Variants in PRPF31 observed in about 807,000 individuals in gnomAD.
The protein encoded by PRPF31 is pre-mRNA processing factor 31.
In PRPF31, 12 loss-of-function variants were observed where a neutral mutation model predicts 60.4. That is an observed-to-expected ratio of 0.20 (90% CI 0.13 to 0.32). The LOEUF (loss-of-function observed/expected upper bound fraction) is 0.32, where lower values mean the gene tolerates loss of function less well. Ranked by LOEUF, PRPF31 falls within the 10% of genes least tolerant of loss-of-function variation. The pLI is 1.00. For synonymous variants in PRPF31, 287 were observed against 287.9 expected (o/e 1.00, Z 0.03); for missense variants, 431 against 687.1 (o/e 0.63, Z 4.17).
At chr19:54,128,929 C>A (rs2073988609) in intron 11 of PRPF31, 128 bp from the exon 12 acceptor site, 2 of 972,860 alleles carry the variant, frequency 2.1e-6, no homozygotes, top group African/African-American at 1.6e-5. Flanking sequence ...CGAGTGGGTA[C>A]CGGAGCAGGT....
In PRPF31 at chr19:54,123,929, G is replaced by A. The variant is rs199789322; in HGVS notation, c.697+11G>A. ...CCGCCAAGATCATGGGTGAGTCCCC[G>A]GGCTGGGTCCCATGGAGCGGGGGTC... On this transcript the variant is annotated intron_variant, in intron 7 of 13. Transcript: ENST00000321030. The A allele has an allele frequency of 3.8e-5, 61 of 1,613,154 alleles. No individual in the cohort carries two copies. The East Asian group carries it at 6.9e-4, about 18-fold the overall frequency.
In PRPF31 at chr19:54,122,590, T is replaced by G. The variant is rs1231371893; in HGVS notation, c.416T>G (p.Val139Gly). The stretch of plus-strand genomic sequence containing the variant: ...AATGCACTGGATTACATCCGCACGG[T>G]CAAGGTGAGCGCAGAGAAGGTGGGG... ...VPNALDYIRT[V>G]KELGNSLDKC... is the part of the protein sequence containing the mutation. Residue 139 changes from valine (V) to glycine (G), a missense_variant, in exon 5 of 14, where the codon GTC becomes GGC. Val to Gly is a moderately radical substitution (Grantham distance 109, BLOSUM62 -3). Around this residue, in one of 4 missense-constraint regions of PRPF31, gnomAD observed 113 missense variants for 173.8 expected, o/e 0.65. Coordinates refer to ENST00000321030, the MANE Select transcript of PRPF31 (RefSeq NM_015629.4). 6.2e-7 allele frequency: 1 copy of G among 1,613,524 alleles called. No individual in the cohort carries two copies. The highest frequency in any genetic ancestry group is 8.5e-7 in the Non-Finnish European group (1 of 1,179,624).
At chr19:54,126,694 C>T in intron 9 of PRPF31, 77 bp downstream of exon 9, 1 of 1,390,076 alleles carries the variant, frequency 7.2e-7, no homozygotes, top group Middle Eastern at 1.8e-4. Flanking sequence ...AGACCCTCAG[C>T]AGGGAGCCCA....
At chr19:54,125,821 T>C (rs1432349197) in intron 8 of PRPF31, among the ~76,000 whole-genome samples, 2 of 152,122 alleles carry the variant, frequency 1.3e-5, no homozygotes, top group Admixed American at 6.5e-5. Flanking sequence ...CCAGGACGGG[T>C]GGGCCTGGGG....
rs1259701342 is a variant in PRPF31, at chr19:54,123,746, C to T, written c.528-3C>T. The T allele has an allele frequency of 1.2e-5, 20 of 1,608,152 alleles. No homozygotes were observed. The highest frequency in any genetic ancestry group is 1.6e-5 in the Non-Finnish European group (19 of 1,178,574). On this transcript the variant is annotated splice_polypyrimidine_tract_variant and splice_region_variant and intron_variant, in intron 6 of 13. Transcript: ENST00000321030. ...AGGAGGCTGGGCCCACCCGCCCCTG[C>T]AGGCAGCAGCTGTCGGAGGAGGAGC...
In PRPF31 at chr19:54,118,654, C is replaced by G. The variant is rs758896340; in HGVS notation, c.238+21C>G. On this transcript the variant is annotated intron_variant, in intron 3 of 13. Transcript: ENST00000321030. ...AGAAGGTGCTTCCTCCCACTCTGTG[C>G]CCCTCCCCATCTCCTGTCTCTCCTG... 7 of 1,612,560 alleles carry G rather than the reference C, an allele frequency of 4.3e-6. No individual in the cohort carries two copies. In the South Asian group the frequency reaches 7.7e-5, roughly 18 times the overall value.
rs1389305246 is a variant in PRPF31, at chr19:54,118,615, C to G, written c.220C>G (p.Gln74Glu). The G allele has an allele frequency of 1.2e-6, 2 of 1,613,988 alleles. No homozygotes were observed. The highest frequency in any genetic ancestry group is 2.7e-5 in the African/African-American group (2 of 74,908). ...GAAGATTGAGGAGTATATCAGCAAG[C>G]AAGCCAAAGCTTCAGAAGGTGCTTC... The part of the protein sequence containing the change: ...MMKIEEYISK[Q>E]AKASEVMGPV... The change falls in exon 3 of 14, where the codon CAA becomes GAA. Residue 74 changes from glutamine (Q) to glutamate (E), a missense_variant. Physicochemically the swap from Gln to Glu is conservative, Grantham distance 29. Coordinates refer to ENST00000321030, the MANE Select transcript of PRPF31 (RefSeq NM_015629.4).
chr19:54,122,332 C>T, intron 4 of PRPF31, 165 bp from the exon 5 acceptor site: 1 of 760,058 alleles, frequency 1.3e-6, no homozygotes. Context: ...CCTGGTCACA[C>T]CTAGCGGTAA....
chr19:54,127,174 A>G (rs1450933240), intron 9 of PRPF31, among the ~76,000 whole-genome samples: 4 of 152,228 alleles, frequency 2.6e-5, no homozygotes, highest in African/African-American at 4.8e-5. Flanking sequence ...GTAGGTCAGA[A>G]GTCCAAAATG....
chr19:54,130,916 T>G (rs1202318043), intron 13 of PRPF31, among the ~76,000 whole-genome samples: 1 of 152,074 alleles, frequency 6.6e-6, no homozygotes, highest in African/African-American at 2.4e-5. Flanking sequence ...ATTTAGGAAG[T>G]GCCAGCCAGG....
rs148941732 is a variant in PRPF31, at chr19:54,123,761, G to A, written c.540G>A (p.Ser180=). 6.3e-5 allele frequency: 101 copies of A among 1,610,716 alleles called. No homozygotes were observed. The African/African-American group carries it at 9.5e-4, about 15-fold the overall frequency. Residue 180 remains serine, a synonymous_variant, in exon 7 of 14, where the codon TCG becomes TCA. Coordinates refer to ENST00000321030, the MANE Select transcript of PRPF31 (RefSeq NM_015629.4). The stretch of plus-strand genomic sequence containing the variant: ...CCCGCCCCTGCAGGCAGCAGCTGTC[G>A]GAGGAGGAGCTGGAGCGGCTGGAGG... ...TASTTQGQQL[S]EEELERLEEA...
chr19:54,128,536 G>A (rs2668840), intron 11 of PRPF31, among the ~76,000 whole-genome samples, 159 bp downstream of exon 11: 72,533 of 141,794 alleles, frequency 0.51, 18,195 homozygotes, highest in Admixed American at 0.59. Context: ...GTTTCCATCC[G>A]TTCAGCCCCA....
intron 7 of PRPF31, 109 bp downstream of exon 7, chr19:54,124,027 A>T (rs1329899884): frequency 6.5e-7 from 1 of 1,547,930 alleles, no homozygotes. Context: ...GGACCTCAGC[A>T]CCCCGTCTCC....
chr19:54,129,899 C>G (rs1179695253), intron 13 of PRPF31, among the ~76,000 whole-genome samples: 1 of 151,976 alleles, frequency 6.6e-6, no homozygotes, highest in Admixed American at 6.6e-5. Context: ...GCTCATCTGC[C>G]CAGTCAGCGG....
At chr19:54,121,218 G>C (rs1260853776) in intron 3 of PRPF31, among the ~76,000 whole-genome samples, 13 of 151,780 alleles carry the variant, frequency 8.6e-5, no homozygotes, top group African/African-American at 3.1e-4. Flanking sequence ...CAGGAGAATC[G>C]CTTGAACCCA....
At chr19:54,119,542 G>A (rs1438346993) in intron 3 of PRPF31, 1 of 150,934 alleles carries the variant, frequency 6.6e-6, no homozygotes, top group African/African-American at 2.4e-5. Flanking sequence ...TGTCGCCCAG[G>A]CTGGAGTGCA....
chr19:54,126,402 C>G lies in PRPF31; in HGVS notation c.856-126C>G, dbSNP rs1046718205. 6 of 836,926 alleles carry G rather than the reference C, an allele frequency of 7.2e-6. No homozygotes were observed. In the Admixed American group the frequency reaches 1.0e-4, roughly 14 times the overall value. The allele number at this position is 836,926 out of a possible 1,614,324, so 51.8% of individuals were successfully genotyped here. On this transcript the variant is annotated intron_variant, in intron 8 of 13. Transcript: ENST00000321030. The stretch of plus-strand genomic sequence containing the variant: ...AGCTGAGAGCACACACCTCTAGAGC[C>G]CAAGGGTGGAAAGCCCCCTTCCAGG...
chr19:54,125,682 C>T (rs750657973), intron 8 of PRPF31, among the ~76,000 whole-genome samples: 2 of 152,182 alleles, frequency 1.3e-5, no homozygotes, highest in Admixed American at 6.5e-5. Context: ...GCCCCACCCC[C>T]CAGCCCTGTG....
Position 54,115,817 on chromosome 19 carries a change from CG to C in PRPF31, c.-9+24del, listed in dbSNP as rs1275356942. 9.3e-6 allele frequency: 2 copies of C among 214,980 alleles called. No homozygotes were observed. Among genetic ancestry groups the C allele is most frequent in the Non-Finnish European group, 1.9e-5 (2 of 106,370 alleles). 13.3% of individuals were successfully genotyped at this position (214,980 alleles called of 1,614,324 possible). A position where few individuals can be genotyped will look rare whatever the true frequency, so the allele number is the denominator to read the frequency against. ...GGAGAGGTGAGTGTGATGGGGACCA[CG>C]GGGAGCGGGAGGCTGGGCTCCTGGG... On this transcript the variant is annotated intron_variant, in intron 1 of 13. Transcript: ENST00000321030.
Sources: gnomAD v4.1 joint callset for allele counts (sites outside exome capture counted in the v4.1 genomes callset) on GRCh38, gnomAD v4.1.1 for gene constraint, gnomAD v4.1.1 regional missense constraint, MANE v1.5 for transcripts, NCBI Gene and HGNC (gene_info 2026-07-23, HGNC 2026-07-21) for gene names.